Variants in SEMA4C observed in about 807,000 individuals in gnomAD.
SEMA4C encodes semaphorin 4C.
In SEMA4C, 19 loss-of-function variants were observed where a neutral mutation model predicts 89.0. The observed-to-expected ratio is 0.21, with a 90% CI of 0.15 to 0.31. The LOEUF is 0.31. Among genes scored for constraint, SEMA4C ranks in the 10% least tolerant of loss-of-function variants. The pLI, the probability that SEMA4C is intolerant of heterozygous loss-of-function variation, is 1.00. For missense variants in SEMA4C, 811 were observed against 1,107.0 expected, an observed-to-expected ratio of 0.73 and a Z score of 3.79; for synonymous variants, 428 against 472.7, an observed-to-expected ratio of 0.91 and a Z score of 1.23.
chr2:96,866,458 G>A, intron 2 of SEMA4C, 27 bp from the exon 3 acceptor site: 2 of 1,613,692 alleles, frequency 1.2e-6, no homozygotes, highest in African/African-American at 1.3e-5. Context: ...GGCTGCTGAT[G>A]GGCAGGACCC....
chr2:96,860,770 G>C lies in SEMA4C; in HGVS notation c.2358C>G (p.Ala786=). ...LHLGGGRNSN[A]NGYVRLQLGG... ...CTAGTTGTAAGCGCACGTAACCATT[G>C]GCATTTGAGTTCCGCCCACCCCCCA... Residue 786 remains alanine (A), a synonymous_variant, in exon 15 of 15, where the codon GCC becomes GCG. Coordinates refer to ENST00000305476, the MANE Select transcript of SEMA4C (RefSeq NM_017789.5). 1 of 1,613,908 alleles carries C rather than the reference G, an allele frequency of 6.2e-7. No homozygotes were observed. Among genetic ancestry groups the C allele is most frequent in the Non-Finnish European group, 8.5e-7 (1 of 1,180,008 alleles).
At chr2:96,868,480 T>C (rs756411607) in intron 1 of SEMA4C, 9 of 991,332 alleles carry the variant, frequency 9.1e-6, no homozygotes, top group African/African-American at 3.5e-5. Flanking sequence ...GCGCAGACAA[T>C]AGCCCTGCAG....
In SEMA4C at chr2:96,861,484, G is replaced by GT. The variant is rs2079941761; in HGVS notation, c.1673-30dup. 6.2e-7 allele frequency: 1 copy of GT among 1,611,336 alleles called. No individual in the cohort carries two copies. Among genetic ancestry groups the GT allele is most frequent in the African/African-American group, 1.3e-5 (1 of 74,906 alleles). ...TAGTGGCAGAGAAAACAGAGTGCATGTTAGTGCAGGAAAGCAGGGCTGGGG... is the reference window on the plus strand; with the variant it reads ...TAGTGGCAGAGAAAACAGAGTGCATGTTTAGTGCAGGAAAGCAGGGCTGGGG... On this transcript the variant is annotated intron_variant, in intron 14 of 14. Transcript: ENST00000305476. This position sits in a 1 kb window ranked among gnomAD's most constrained non-coding sequence, Gnocchi z 7.8.
At chr2:96,865,140 A>G (rs2080040079) in intron 7 of SEMA4C, 25 bp from the exon 8 acceptor site, 1 of 1,596,496 alleles carries the variant, frequency 6.3e-7, no homozygotes, top group Non-Finnish European at 8.5e-7. Flanking sequence ...GGAGGTCAGC[A>G]GGGAGGGGCT....
At chr2:96,866,090 C>T (rs548038353) in intron 3 of SEMA4C, among the ~76,000 whole-genome samples, 161 bp from the exon 4 acceptor site, 46 of 152,356 alleles carry the variant, frequency 3.0e-4, no homozygotes, top group African/African-American at 1.0e-3. Flanking sequence ...CAAACCACCC[C>T]ACTACACAGA....
chr2:96,859,839 T>C lies in SEMA4C; in HGVS notation c.*787A>G, dbSNP rs1232501819. 2.6e-5 allele frequency: 4 copies of C among 152,234 alleles called. No homozygotes were observed. Among genetic ancestry groups the C allele is most frequent in the Non-Finnish European group, 5.9e-5 (4 of 68,052 alleles). 9.4% of individuals were successfully genotyped at this position (152,234 alleles called of 1,614,324 possible). A position where few individuals can be genotyped will look rare whatever the true frequency, so the allele number is the denominator to read the frequency against. ...TAAGTTACACTGTTAGGAGCCCTCC[T>C]CCTAGGGCTGGAAGAGAGTATGCCA... On this transcript the variant is annotated 3_prime_UTR_variant, in exon 15 of 15. Transcript: ENST00000305476.
upstream of SEMA4C, chr2:96,870,095 T>C (rs1316334789): frequency 4.2e-6 from 4 of 962,516 alleles, no homozygotes; most frequent in Non-Finnish European, 4.9e-6. Flanking sequence ...CGGCCGCGGC[T>C]CTCCGCCCCC....
chr2:96,867,509 C>G (rs541490382), intron 2 of SEMA4C, among the ~76,000 whole-genome samples: 1 of 152,156 alleles, frequency 6.6e-6, no homozygotes, highest in East Asian at 1.9e-4. Context: ...AGGCTCCCAG[C>G]GCCAGTGACA....
In SEMA4C at chr2:96,864,120, C is replaced by G; in HGVS notation, c.1136G>C (p.Gly379Ala). Residue 379 changes from glycine to alanine, a missense_variant, in exon 11 of 15, where the codon GGC becomes GCC. Physicochemically the swap from Gly to Ala is moderately conservative, Grantham distance 60 (BLOSUM62 0). This residue lies in a region of SEMA4C where 441 missense variants were observed against 664.9 expected (regional missense o/e 0.66). Coordinates refer to ENST00000305476, the MANE Select transcript of SEMA4C (RefSeq NM_017789.5). This position sits in a 1 kb window ranked among gnomAD's most constrained non-coding sequence, Gnocchi z 6.3. ...GGGTAGCTCCAGGGAGCTGGTGTAG[C>G]CGTGGCGCCGATGCCAGTTGTTAAT... ...SCINNWHRRH[G>A]YTSSLELPDN... 6.2e-7 allele frequency: 1 copy of G among 1,612,634 alleles called. No individual in the cohort carries two copies. Among genetic ancestry groups the G allele is most frequent in the Non-Finnish European group, 8.5e-7 (1 of 1,179,892 alleles).
rs926026634 is a variant in SEMA4C at position 96,860,500 on chromosome 2, G to A, written c.*126C>T. On this transcript the variant is annotated 3_prime_UTR_variant, in exon 15 of 15. Transcript: ENST00000305476. ...GCAGAGCAGGTCCTCATGGCCGGGT[G>A]GGTGCTGGGCAGTATCTGTCCCAGA... 4.2e-5 allele frequency: 35 copies of A among 841,014 alleles called. No homozygotes were observed. The African/African-American group carries it at 5.3e-4, about 13-fold the overall frequency. The allele number at this position is 841,014 out of a possible 1,614,324, so 52.1% of individuals were successfully genotyped here.
At chr2:96,869,490 G>A (rs1405818874) in intron 1 of SEMA4C, 2 of 985,154 alleles carry the variant, frequency 2.0e-6, no homozygotes, top group East Asian at 1.1e-4. Context: ...GGGGGGCCGC[G>A]GCAGGGAAAT....
At position 96,861,064 on chromosome 2, in the gene SEMA4C, C is replaced by G; in HGVS notation, c.2064G>C (p.Arg688=). 1 of 1,612,832 alleles carries G rather than the reference C, an allele frequency of 6.2e-7. No homozygotes were observed. Among genetic ancestry groups the G allele is most frequent in the Non-Finnish European group, 8.5e-7 (1 of 1,179,998 alleles). Residue 688 remains arginine, a synonymous_variant, in exon 15 of 15, where the codon CGG becomes CGC. Transcript: ENST00000305476. The surrounding 1 kb of genome is among the most constrained non-coding windows in gnomAD (Gnocchi z 7.8). ...VLLLLVLSLR[R]RLREELEKGA... ...CTTTCTCCAGCTCTTCCCGCAGCCGCCGGCGCAATGACAGCACCAGCAGCA... is the reference window on the plus strand; with the variant it reads ...CTTTCTCCAGCTCTTCCCGCAGCCGGCGGCGCAATGACAGCACCAGCAGCA...
intron 1 of SEMA4C, chr2:96,868,694 G>C (rs528506021): frequency 3.0e-6 from 3 of 985,286 alleles, no homozygotes; most frequent in Non-Finnish European, 3.6e-6. Context: ...GCGGTGGGGG[G>C]ACCGAGCTCG....
At position 96,864,818 on chromosome 2, in the gene SEMA4C, C is replaced by T; in HGVS notation, c.849G>A (p.Leu283=). Residue 283 remains leucine, a synonymous_variant, in exon 9 of 15, where the codon CTG becomes CTA. Transcript: ENST00000305476. This position sits in a 1 kb window ranked among gnomAD's most constrained non-coding sequence, Gnocchi z 6.3. ...GCTGCCAGTTCGGGGCAGAGCATGC[C>T]AGCCGCGCCTTCAGGAACGTGGTCC... ...RKWTTFLKAR[L]ACSAPNWQLY... 2 of 1,613,926 alleles carry T rather than the reference C, an allele frequency of 1.2e-6. No homozygotes were observed. Among genetic ancestry groups the T allele is most frequent in the Non-Finnish European group, 1.7e-6 (2 of 1,180,010 alleles).
chr2:96,866,026 C>T, intron 3 of SEMA4C, 97 bp from the exon 4 acceptor site: 1 of 1,294,608 alleles, frequency 7.7e-7, no homozygotes, highest in Non-Finnish European at 1.1e-6. Context: ...ACGCCCAGTG[C>T]AGAGGCATGG....
rs1393289177 is a variant in SEMA4C at position 96,866,439 on chromosome 2, G to A, written c.110-8C>T. 6.2e-7 allele frequency: 1 copy of A among 1,613,922 alleles called. No individual in the cohort carries two copies. Among genetic ancestry groups the A allele is most frequent in the East Asian group, 2.2e-5 (1 of 44,886 alleles). On this transcript the variant is annotated splice_polypyrimidine_tract_variant and splice_region_variant and intron_variant, in intron 2 of 14. Transcript: ENST00000305476. The stretch of plus-strand genomic sequence containing the variant: ...GTACTACCGTGGCCAGCTCTGCAGG[G>A]GTAAGCATGGCTGCTGATGGGCAGG...
chr2:96,869,534 G>A (rs1056223777), intron 1 of SEMA4C: 2 of 985,220 alleles, frequency 2.0e-6, no homozygotes, highest in Non-Finnish European at 2.4e-6. Context: ...CTCCAAGCCC[G>A]CCCCAAACTT....
At chr2:96,866,467 C>A (rs2080073350) in intron 2 of SEMA4C, 36 bp from the exon 3 acceptor site, 3 of 1,613,524 alleles carry the variant, frequency 1.9e-6, no homozygotes, top group East Asian at 4.5e-5. Context: ...TGGGCAGGAC[C>A]CCTGGGGCTC....
Position 96,869,781 on chromosome 2 carries a change from C to T in SEMA4C, c.-38+95G>A, listed in dbSNP as rs1372144601. On this transcript the variant is annotated intron_variant, in intron 1 of 14. Transcript: ENST00000305476. ...GCTCCCCGCGCCCCAGCCCCTGTCC[C>T]TCCCGCGTCCGGCAGCCCCTGCCCA... The T allele has an allele frequency of 3.0e-6, 3 of 985,146 alleles. No homozygotes were observed. The African/African-American group carries it at 5.2e-5, about 17-fold the overall frequency. 61.0% of individuals were successfully genotyped at this position (985,146 alleles called of 1,614,324 possible).
Sources: allele counts gnomAD v4.1 joint callset (sites outside exome capture counted in the v4.1 genomes callset), GRCh38; gene constraint gnomAD v4.1.1; regional missense constraint gnomAD v4.1.1; non-coding constraint Gnocchi (gnomAD v3.1); transcripts MANE v1.5; gene names NCBI Gene and HGNC (gene_info 2026-07-23, HGNC 2026-07-21).